The following EHF variants were observed in gnomAD, a reference collection of about 807,000 sequenced individuals.
The protein encoded by EHF is ETS homologous factor.
EHF carries 14 observed loss-of-function variants against 45.1 expected under a neutral mutation model. The ratio of observed to expected loss-of-function variants is 0.31; its 90% confidence interval spans 0.21 to 0.49. The LOEUF is 0.49. EHF is among the 20% of genes least tolerant of loss of function. The pLI is 0.99. For synonymous variants in EHF, 136 were observed against 131.8 expected (o/e 1.03, Z -0.22); for missense variants, 282 against 371.4 (o/e 0.76, Z 1.98).
At chr11:34,639,991 G>A (rs1277180699) in intron 1 of EHF, among the ~76,000 whole-genome samples, 1 of 152,022 alleles carries the variant, frequency 6.6e-6, no homozygotes, top group Non-Finnish European at 1.5e-5. Context: ...TGGAGAACTG[G>A]CCCATATTGT....
chr11:34,650,221 A>C (rs1855005694), intron 4 of EHF, among the ~76,000 whole-genome samples: 1 of 152,162 alleles, frequency 6.6e-6, no homozygotes, highest in Admixed American at 6.5e-5. Context: ...GACCATCCAG[A>C]CATTCTTGTG....
At chr11:34,648,076 CT>C (rs1206659890) in intron 3 of EHF, among the ~76,000 whole-genome samples, 1 of 152,196 alleles carries the variant, frequency 6.6e-6, no homozygotes, top group African/African-American at 2.4e-5. Context: ...GCTGTAGCCT[CT>C]GAGTTCCTAA....
At chr11:34,621,525 C>T (rs999597555) in intron 1 of EHF, among the ~76,000 whole-genome samples, 2 of 152,146 alleles carry the variant, frequency 1.3e-5, no homozygotes, top group African/African-American at 4.8e-5. Flanking sequence ...AAACCATTCC[C>T]CTGGGTTGAA....
In EHF at chr11:34,635,450, C is replaced by CTTTTTTTTTTT. The variant is rs56121359; in HGVS notation, c.-3-7170_-3-7160dup. Among the ~76,000 whole-genome samples, 114 of 113,100 alleles carry CTTTTTTTTTTT rather than the reference C, an allele frequency of 1.0e-3. 7 individuals are homozygous for CTTTTTTTTTTT. The highest frequency in any genetic ancestry group is 1.7e-3 in the Non-Finnish European group (96 of 56,618). 74.2% of individuals were successfully genotyped at this position (113,100 alleles called of 152,430 possible). Reference sequence around the variant, plus strand: ...CCTAGCCCCAATCCGAAACCTTATTCTTTTTTTTTTTTTTTTTTGAGATGG... The same window carrying CTTTTTTTTTTT: ...CCTAGCCCCAATCCGAAACCTTATTCTTTTTTTTTTTTTTTTTTTTTTTTTTTTTGAGATGG... On this transcript the variant is annotated intron_variant, in intron 1 of 8. Coordinates refer to ENST00000257831, the MANE Select transcript of EHF (RefSeq NM_012153.6).
chr11:34,632,006 C>T (rs533299948), intron 1 of EHF, among the ~76,000 whole-genome samples: 153 of 152,176 alleles, frequency 1.0e-3, no homozygotes, highest in Non-Finnish European at 1.7e-3. Context: ...AAAAGTACAA[C>T]GTCTTCTGGC....
chr11:34,651,331 C>T lies in EHF; in HGVS notation c.407-211C>T, dbSNP rs1026517643. ...CTAAAAATGCAATAGGTACAGAACA[C>T]ATGGATGAGGCCATTTCCCCGAGGA... On this transcript the variant is annotated intron_variant, in intron 4 of 8. Coordinates refer to ENST00000257831, the MANE Select transcript of EHF (RefSeq NM_012153.6). Among the ~76,000 whole-genome samples the T allele has an allele frequency of 4.6e-5, 7 of 152,232 alleles. No individual in the cohort carries two copies. In the East Asian group the frequency reaches 1.4e-3, roughly 29 times the overall value.
At chr11:34,624,320 A>G (rs759080378) in intron 1 of EHF, 208 of 985,268 alleles carry the variant, frequency 2.1e-4, no homozygotes, top group Non-Finnish European at 2.3e-4. Context: ...CAGCTTGGGT[A>G]AGCCGGGTCT....
At position 34,649,226 on chromosome 11, in the gene EHF, C is replaced by T. The variant is rs1565040902; in HGVS notation, c.406+145C>T. Reference sequence around the variant, plus strand: ...TCCCTGGCTGTCTCTGATGGGCCACCCCCACCATGAATCTCATTCTTGCCC... The same window carrying T: ...TCCCTGGCTGTCTCTGATGGGCCACTCCCACCATGAATCTCATTCTTGCCC... On this transcript the variant is annotated intron_variant, in intron 4 of 8. Coordinates refer to ENST00000257831, the MANE Select transcript of EHF (RefSeq NM_012153.6). 4.0e-6 allele frequency: 3 copies of T among 755,748 alleles called. No individual in the cohort carries two copies. The South Asian group carries it at 5.0e-5, about 13-fold the overall frequency. 46.8% of individuals were successfully genotyped at this position (755,748 alleles called of 1,614,324 possible).
At chr11:34,638,440 C>CT (rs1261667183) in intron 1 of EHF, among the ~76,000 whole-genome samples, 3 of 152,178 alleles carry the variant, frequency 2.0e-5, no homozygotes, top group Non-Finnish European at 4.4e-5. Context: ...AACCCTCCAG[C>CT]AAGCCTATGC....
intron 1 of EHF, among the ~76,000 whole-genome samples, chr11:34,636,378 C>A (rs1853403360): frequency 6.6e-6 from 1 of 152,166 alleles, no homozygotes. Flanking sequence ...AACTCCAGAG[C>A]CTGGGGCTCC....
At chr11:34,648,893 C>T (rs1454519045) in intron 3 of EHF, 126 bp from the exon 4 acceptor site, 2 of 874,578 alleles carry the variant, frequency 2.3e-6, no homozygotes, top group Non-Finnish European at 3.5e-6. Flanking sequence ...CTCCCATAAA[C>T]AAACATAGGT....
rs1196572681 is a variant in EHF, at chr11:34,659,757, A to G, written c.*826A>G. On this transcript the variant is annotated 3_prime_UTR_variant, in exon 9 of 9. Coordinates refer to ENST00000257831, the MANE Select transcript of EHF (RefSeq NM_012153.6). The stretch of plus-strand genomic sequence containing the variant: ...GGAAAAAGGAGACGGTGGTGTGGAA[A>G]TGGCTGAAGAGTTTGCTCTTGTATC... The G allele has an allele frequency of 6.6e-6, 1 of 152,160 alleles. No homozygotes were observed. Among genetic ancestry groups the G allele is most frequent in the Non-Finnish European group, 1.5e-5 (1 of 68,008 alleles). 9.4% of individuals were successfully genotyped at this position (152,160 alleles called of 1,614,324 possible).
At chr11:34,651,668 C>A in intron 5 of EHF, 58 bp downstream of exon 5, 1 of 1,606,574 alleles carries the variant, frequency 6.2e-7, no homozygotes, top group Non-Finnish European at 8.5e-7. Flanking sequence ...TGTCTAAGAG[C>A]CACAGTGTTC....
chr11:34,649,413 A>G (rs1159838997), intron 4 of EHF, among the ~76,000 whole-genome samples: 1 of 152,162 alleles, frequency 6.6e-6, no homozygotes, highest in Non-Finnish European at 1.5e-5. Flanking sequence ...GTGTCAGGGG[A>G]GTGGCCAAGT....
chr11:34,621,601 G>T (rs751992571), intron 1 of EHF, among the ~76,000 whole-genome samples: 4 of 152,188 alleles, frequency 2.6e-5, no homozygotes, highest in Non-Finnish European at 5.9e-5. Flanking sequence ...AGAAGTGGTT[G>T]GCTAAGTAGC....
chr11:34,658,860 C>G lies in EHF; in HGVS notation c.832C>G (p.Arg278Gly). ...RYYYKREILE[R>G]VDGRRLVYKF... ...TTACTACAAAAGAGAAATTCTGGAG[C>G]GTGTGGATGGACGAAGACTGGTATA... Residue 278 changes from arginine to glycine, a missense_variant, in exon 9 of 9, where the codon CGT becomes GGT. Arg to Gly is a moderately radical substitution (Grantham distance 125). Transcript: ENST00000257831. 1 of 1,612,716 alleles carries G rather than the reference C, an allele frequency of 6.2e-7. No individual in the cohort carries two copies.
chr11:34,644,078 C>T (rs895767473), intron 2 of EHF, among the ~76,000 whole-genome samples: 1 of 152,152 alleles, frequency 6.6e-6, no homozygotes, highest in Non-Finnish European at 1.5e-5. Context: ...GATGCGGAAT[C>T]TCCCCAGTCA....
intron 1 of EHF, among the ~76,000 whole-genome samples, chr11:34,634,520 G>A (rs1301979976): frequency 6.6e-6 from 1 of 152,152 alleles, no homozygotes; most frequent in Non-Finnish European, 1.5e-5. Flanking sequence ...CTGGGGACAG[G>A]GAATGCAGGT....
intron 1 of EHF, chr11:34,631,526 G>T (rs1426778653): frequency 1.0e-6 from 1 of 974,730 alleles, no homozygotes; most frequent in Non-Finnish European, 1.2e-6. Context: ...CTTGGATTAG[G>T]ACAGAAATCA....
Sources: allele counts gnomAD v4.1 joint callset (sites outside exome capture counted in the v4.1 genomes callset), GRCh38; gene constraint gnomAD v4.1.1; transcripts MANE v1.5; gene names NCBI Gene and HGNC (gene_info 2026-07-23, HGNC 2026-07-21).